KDM4C: variants seen among roughly 807,000 people sequenced by gnomAD.
KDM4C encodes lysine demethylase 4C.
In KDM4C, 81 loss-of-function variants were observed where a neutral mutation model predicts 129.3. That is an observed-to-expected ratio of 0.63 (90% CI 0.52 to 0.75). The LOEUF is 0.75. Ranked by LOEUF, KDM4C falls within the 30% of genes least tolerant of loss-of-function variation. KDM4C has a pLI of 0.00. For missense variants in KDM4C, 1,457 were observed against 1,304.0 expected, an observed-to-expected ratio of 1.12 and a Z score of -1.81; for synonymous variants, 573 against 456.1, an observed-to-expected ratio of 1.26 and a Z score of -3.26.
intron 15 of KDM4C, among the ~76,000 whole-genome samples, chr9:7,031,168 T>G (rs1308275896): frequency 1.3e-3 from 103 of 78,690 alleles, no homozygotes; most frequent in African/African-American, 3.7e-3. Context: ...ATTTATTTAT[T>G]TATGTATGTT....
chr9:7,174,411 A>T, intron 21 of KDM4C, 142 bp from the exon 22 acceptor site: 3 of 684,070 alleles, frequency 4.4e-6, no homozygotes, highest in Non-Finnish European at 7.4e-6. Flanking sequence ...GAAAGCCCAA[A>T]GCCATGCCTG....
At chr9:7,028,924 C>T (rs1215009145) in intron 15 of KDM4C, among the ~76,000 whole-genome samples, 3 of 152,082 alleles carry the variant, frequency 2.0e-5, no homozygotes, top group Non-Finnish European at 2.9e-5. Context: ...AAGGGAGGGG[C>T]GGCGTTGGTG....
chr9:6,752,642 T>C (rs1818111102), intron 1 of KDM4C, among the ~76,000 whole-genome samples: 1 of 151,794 alleles, frequency 6.6e-6, no homozygotes, highest in Non-Finnish European at 1.5e-5. Context: ...ACTCCTGACC[T>C]CAGGAGATCC....
At chr9:6,721,144 C>G (rs1220648651) in intron 1 of KDM4C, 1 of 633,260 alleles carries the variant, frequency 1.6e-6, no homozygotes, top group Non-Finnish European at 2.7e-6. Context: ...TGCAATCACA[C>G]CTCACTGCAG....
At chr9:6,743,583 C>T (rs369806455) in intron 1 of KDM4C, among the ~76,000 whole-genome samples, 2 of 151,752 alleles carry the variant, frequency 1.3e-5, no homozygotes, top group South Asian at 2.1e-4. Context: ...TCTTGGCTCA[C>T]TGCAACCTCT....
intron 14 of KDM4C, 144 bp downstream of exon 14, chr9:7,014,145 T>C: frequency 3.0e-6 from 2 of 657,094 alleles, no homozygotes; most frequent in Non-Finnish European, 5.1e-6. Context: ...ATATTTCTGC[T>C]GGTAAAAGTA....
chr9:7,100,362 CAG>C (rs1239424564), intron 17 of KDM4C, among the ~76,000 whole-genome samples: 2 of 151,916 alleles, frequency 1.3e-5, no homozygotes, highest in African/African-American at 4.8e-5. Flanking sequence ...TTTTTTGAGA[CAG>C]AGTCTCACTC....
rs971424262 is a variant in KDM4C at position 6,888,944 on chromosome 9, C to G, written c.783+881C>G. On this transcript the variant is annotated intron_variant, in intron 7 of 21. Coordinates refer to ENST00000381309, the MANE Select transcript of KDM4C (RefSeq NM_015061.6). ...CTGGGACTACAGGCGCCCGCCACTA[C>G]GCCCGGCTAATTTTTTTGTATTTTT... is the stretch of plus-strand genomic sequence containing the variant. Among the ~76,000 whole-genome samples the G allele has an allele frequency of 6.8e-5, 6 of 88,458 alleles. 1 individual carries two copies. Among genetic ancestry groups the G allele is most frequent in the Admixed American group, 6.1e-4 (6 of 9,820 alleles). The allele number at this position is 88,458 out of a possible 152,430, so 58.0% of individuals were successfully genotyped here.
chr9:6,949,973 T>C (rs930342502), intron 8 of KDM4C, among the ~76,000 whole-genome samples: 4 of 152,066 alleles, frequency 2.6e-5, no homozygotes, highest in African/African-American at 7.2e-5. Flanking sequence ...ATAACTAGCT[T>C]ATTTAGCCCA....
intron 3 of KDM4C, among the ~76,000 whole-genome samples, chr9:6,806,210 A>G (rs1829931694): frequency 6.6e-6 from 1 of 152,160 alleles, no homozygotes; most frequent in Non-Finnish European, 1.5e-5. Context: ...ATTATCCCAA[A>G]TTGGCCAGGC....
chr9:6,749,335 G>A (rs931992031), intron 1 of KDM4C, among the ~76,000 whole-genome samples: 1 of 151,972 alleles, frequency 6.6e-6, no homozygotes, highest in Admixed American at 6.6e-5. Flanking sequence ...CCTTAAAAAG[G>A]TGTCAGGATA....
intron 4 of KDM4C, among the ~76,000 whole-genome samples, chr9:6,835,912 A>C (rs541231430): frequency 1.8e-4 from 28 of 152,284 alleles, no homozygotes; most frequent in African/African-American, 6.3e-4. Flanking sequence ...TCTAAGGAGA[A>C]TGGCCTAGTC....
At chr9:6,968,008 G>C (rs567362472) in intron 8 of KDM4C, among the ~76,000 whole-genome samples, 1 of 152,282 alleles carries the variant, frequency 6.6e-6, no homozygotes, top group South Asian at 2.1e-4. Flanking sequence ...ATGAGAAAAT[G>C]CTTTACATTT....
At chr9:6,760,828 T>C (rs1438961197) in intron 1 of KDM4C, among the ~76,000 whole-genome samples, 1 of 151,816 alleles carries the variant, frequency 6.6e-6, no homozygotes, top group Non-Finnish European at 1.5e-5. Context: ...CACCTCAGCC[T>C]CCCAAAGTGC....
At chr9:7,124,279 C>A (rs757345845) in intron 18 of KDM4C, among the ~76,000 whole-genome samples, 5 of 152,164 alleles carry the variant, frequency 3.3e-5, no homozygotes, top group Admixed American at 6.5e-5. Context: ...TAACTAATAT[C>A]ATAATAAAAT....
At chr9:6,756,646 G>A (rs1818305081), upstream of KDM4C, among the ~76,000 whole-genome samples, 3 of 152,244 alleles carry the variant, frequency 2.0e-5, no homozygotes, top group South Asian at 6.2e-4. Flanking sequence ...GAACCCGTGA[G>A]GCGGAGGTTG....
intron 8 of KDM4C, among the ~76,000 whole-genome samples, chr9:6,919,819 C>T (rs1821143147): frequency 6.6e-6 from 1 of 152,012 alleles, no homozygotes; most frequent in South Asian, 2.1e-4. Flanking sequence ...AGGTGATCCA[C>T]CTGCCTTGGC....
intron 1 of KDM4C, among the ~76,000 whole-genome samples, chr9:6,784,796 C>T (rs1375022749): frequency 6.6e-6 from 1 of 152,186 alleles, no homozygotes; most frequent in East Asian, 1.9e-4. Flanking sequence ...TGCTGTGTTG[C>T]TTTCTAAGCT....
chr9:7,025,281 A>G (rs1358946456), intron 15 of KDM4C, among the ~76,000 whole-genome samples: 1 of 152,144 alleles, frequency 6.6e-6, no homozygotes, highest in Non-Finnish European at 1.5e-5. Context: ...CTTGTAGACA[A>G]CAGATAATTG....
Sources: gnomAD v4.1 joint callset for allele counts (sites outside exome capture counted in the v4.1 genomes callset) on GRCh38, gnomAD v4.1.1 for gene constraint, MANE v1.5 for transcripts, NCBI Gene and HGNC (gene_info 2026-07-23, HGNC 2026-07-21) for gene names.